The following TMEM154 variants were observed in gnomAD, a reference collection of about 807,000 sequenced individuals.
TMEM154 encodes transmembrane protein 154.
In TMEM154, 27 loss-of-function variants were observed where a neutral mutation model predicts 24.5. The observed-to-expected ratio is 1.10, with a 90% CI of 0.81 to 1.52. The LOEUF (loss-of-function observed/expected upper bound fraction) is 1.52, where lower values mean the gene tolerates loss of function less well. TMEM154 is among the 40% of genes most tolerant of loss of function. The probability of loss-of-function intolerance (pLI) is 0.00; values close to 1 mark genes in which losing one functional copy is unlikely to be tolerated. For missense variants in TMEM154, 228 were observed against 213.4 expected, an observed-to-expected ratio of 1.07 and a Z score of -0.43; for synonymous variants, 67 against 76.8, an observed-to-expected ratio of 0.87 and a Z score of 0.67.
intron 6 of TMEM154, among the ~76,000 whole-genome samples, chr4:152,629,683 C>G (rs1751995625): frequency 1.3e-5 from 2 of 152,140 alleles, no homozygotes; most frequent in African/African-American, 4.8e-5. Context: ...TCTGGTATCT[C>G]CCTCGCTCAT....
At chr4:152,673,112 G>A (rs562017033) in intron 1 of TMEM154, among the ~76,000 whole-genome samples, 9 of 152,048 alleles carry the variant, frequency 5.9e-5, no homozygotes, top group South Asian at 4.2e-4. Flanking sequence ...TTCCTCACTC[G>A]TCAAAGGTAA....
At chr4:152,663,938 T>G (rs1453808479) in intron 1 of TMEM154, among the ~76,000 whole-genome samples, 1 of 152,216 alleles carries the variant, frequency 6.6e-6, no homozygotes, top group Non-Finnish European at 1.5e-5. Context: ...AGGTAACGCC[T>G]GGCAGCCCCA....
At chr4:152,661,016 T>C (rs574247638) in intron 1 of TMEM154, among the ~76,000 whole-genome samples, 27 of 152,178 alleles carry the variant, frequency 1.8e-4, no homozygotes, top group Admixed American at 1.7e-3. Context: ...ACAAGAATAA[T>C]GGGGACATCT....
intron 5 of TMEM154, 74 bp from the exon 6 acceptor site, chr4:152,641,059 A>C (rs1752249075): frequency 7.0e-7 from 1 of 1,427,202 alleles, no homozygotes; most frequent in Non-Finnish European, 9.7e-7. Flanking sequence ...TGATACAGTT[A>C]AATACCATAG....
rs570223523 is a variant in TMEM154, at chr4:152,627,766, T to C, written c.*780A>G. 2 of 152,216 alleles carry C rather than the reference T, an allele frequency of 1.3e-5. No individual in the cohort carries two copies. The highest frequency in any genetic ancestry group is 4.8e-5 in the African/African-American group (2 of 41,444). 9.4% of individuals were successfully genotyped at this position (152,216 alleles called of 1,614,324 possible). A position where few individuals can be genotyped will look rare whatever the true frequency, so the allele number is the denominator to read the frequency against. On this transcript the variant is annotated 3_prime_UTR_variant, in exon 7 of 7. Coordinates refer to ENST00000304385, the MANE Select transcript of TMEM154 (RefSeq NM_152680.3). The stretch of plus-strand genomic sequence containing the variant: ...CTACATGTCACATCCAAGGGAGGTA[T>C]GGTGAAACAAGTGTGAGCTTTGCAG...
chr4:152,652,365 T>C (rs1728402235), intron 3 of TMEM154, among the ~76,000 whole-genome samples, 173 bp downstream of exon 3: 1 of 133,570 alleles, frequency 7.5e-6, no homozygotes, highest in Non-Finnish European at 1.7e-5. Context: ...CAATTAAACT[T>C]TTTTTTTTTT....
At position 152,640,718 on chromosome 4, in the gene TMEM154, A is replaced by C. The variant is rs571303364; in HGVS notation, c.536+210T>G. ...AAATGTCAATACTCATTTATTTCTA[A>C]AGATAAAGAGTCCTAGGATATTTAC... On this transcript the variant is annotated intron_variant, in intron 6 of 6. Coordinates refer to ENST00000304385, the MANE Select transcript of TMEM154 (RefSeq NM_152680.3). 3.7e-4 allele frequency among the ~76,000 whole-genome samples: 56 copies of C among 152,304 alleles called. No homozygotes were observed. The South Asian group carries it at 0.011, about 30-fold the overall frequency.
At chr4:152,672,434 G>A (rs1728860129) in intron 1 of TMEM154, among the ~76,000 whole-genome samples, 2 of 152,200 alleles carry the variant, frequency 1.3e-5, no homozygotes, top group Admixed American at 1.3e-4. Flanking sequence ...AAGGATAAGA[G>A]AGCTGCAATC....
intron 6 of TMEM154, 75 bp from the exon 7 acceptor site, chr4:152,628,636 TTC>T: frequency 8.1e-7 from 1 of 1,237,558 alleles, no homozygotes; most frequent in Non-Finnish European, 1.0e-6. Context: ...ATATATTTCT[TTC>T]TTTTTTTTTT....
intron 1 of TMEM154, among the ~76,000 whole-genome samples, chr4:152,664,137 A>G (rs1215590145): frequency 6.6e-6 from 1 of 152,238 alleles, no homozygotes. Context: ...ATGCCCATCA[A>G]TGATAGACTG....
intron 1 of TMEM154, among the ~76,000 whole-genome samples, chr4:152,656,351 C>T (rs956943826): frequency 6.6e-6 from 1 of 152,138 alleles, no homozygotes. Flanking sequence ...GATCCAAGGA[C>T]AGATATGCTC....
intron 6 of TMEM154, among the ~76,000 whole-genome samples, chr4:152,634,031 C>CA (rs1167923301): frequency 0.14 from 2,863 of 20,136 alleles, 403 homozygotes; most frequent in Middle Eastern, 0.17. Context: ...GACCCCATCT[C>CA]AAAAAAAAAA....
At chr4:152,666,100 TCAA>T (rs1728717497) in intron 1 of TMEM154, among the ~76,000 whole-genome samples, 2 of 151,980 alleles carry the variant, frequency 1.3e-5, no homozygotes, top group African/African-American at 4.8e-5. Flanking sequence ...ATTTGCATTT[TCAA>T]CAAGTAATCA....
chr4:152,662,201 G>T (rs1484537211), intron 1 of TMEM154, among the ~76,000 whole-genome samples: 2 of 151,934 alleles, frequency 1.3e-5, no homozygotes, highest in East Asian at 3.9e-4. Context: ...GAGCATGAGA[G>T]GGTGTTAGGT....
At chr4:152,671,585 A>C (rs1728838274) in intron 1 of TMEM154, among the ~76,000 whole-genome samples, 1 of 150,740 alleles carries the variant, frequency 6.6e-6, no homozygotes, top group Non-Finnish European at 1.5e-5. Context: ...GTCTCTACTA[A>C]AAATACAAAA....
intron 6 of TMEM154, among the ~76,000 whole-genome samples, chr4:152,631,707 A>G (rs991217800): frequency 2.6e-4 from 40 of 151,290 alleles, no homozygotes; most frequent in Non-Finnish European, 8.8e-5. Context: ...CTGGGGTTAC[A>G]GGTGTGAGCC....
intron 1 of TMEM154, among the ~76,000 whole-genome samples, chr4:152,678,246 G>A (rs1169675717): frequency 6.6e-6 from 1 of 151,976 alleles, no homozygotes; most frequent in Non-Finnish European, 1.5e-5. Flanking sequence ...GGGAAGATGT[G>A]CACGATCAGA....
At chr4:152,638,000 C>T (rs1379953947) in intron 6 of TMEM154, among the ~76,000 whole-genome samples, 1 of 152,208 alleles carries the variant, frequency 6.6e-6, no homozygotes, top group Non-Finnish European at 1.5e-5. Flanking sequence ...GTGGCTCACT[C>T]CTGTCATCCC....
Position 152,644,964 on chromosome 4 carries a change from T to G in TMEM154, c.365-522A>C, listed in dbSNP as rs149273784. Among the ~76,000 whole-genome samples the G allele has an allele frequency of 4.0e-3, 606 of 152,306 alleles. 3 individuals are homozygous for G. Among genetic ancestry groups the G allele is most frequent in the African/African-American group, 0.014 (564 of 41,570 alleles). Reference sequence around the variant, plus strand: ...TTGGCATGGCTGGATCCCTCACAACTTCAGGGTCCCAGCTTAAATACTCTT... The same window carrying G: ...TTGGCATGGCTGGATCCCTCACAACGTCAGGGTCCCAGCTTAAATACTCTT... On this transcript the variant is annotated intron_variant, in intron 3 of 6. Coordinates refer to ENST00000304385, the MANE Select transcript of TMEM154 (RefSeq NM_152680.3).
Sources: allele counts gnomAD v4.1 joint callset (sites outside exome capture counted in the v4.1 genomes callset), GRCh38; gene constraint gnomAD v4.1.1; transcripts MANE v1.5; gene names NCBI Gene and HGNC (gene_info 2026-07-23, HGNC 2026-07-21).